Variants in NFE2L3 observed in about 807,000 individuals in gnomAD.
NFE2L3 encodes nuclear factor erythroid 2-related factor 3.
A neutral mutation model predicts 23.5 loss-of-function variants in NFE2L3; 18 were observed. The ratio of observed to expected loss-of-function variants is 0.77; its 90% confidence interval spans 0.53 to 1.13. The LOEUF (loss-of-function observed/expected upper bound fraction) is 1.13. Among genes scored for constraint, NFE2L3 ranks in the 50% most tolerant of loss-of-function variants. The pLI, the probability that NFE2L3 is intolerant of heterozygous loss-of-function variation, is 0.00. For missense variants in NFE2L3, 1,152 were observed against 877.2 expected (o/e 1.31, Z -3.96); for synonymous variants, 424 against 354.5 (o/e 1.20, Z -2.20).
intron 1 of NFE2L3, among the ~76,000 whole-genome samples, chr7:26,168,145 CT>C (rs1287195135): frequency 6.9e-6 from 1 of 144,494 alleles, no homozygotes; most frequent in Non-Finnish European, 1.5e-5. Context: ...CTTTTTTTTT[CT>C]TTTTTTTTGA....
At chr7:26,161,571 C>G (rs1784174530) in intron 1 of NFE2L3, among the ~76,000 whole-genome samples, 1 of 151,914 alleles carries the variant, frequency 6.6e-6, no homozygotes, top group Non-Finnish European at 1.5e-5. Context: ...ACGCTCCTCC[C>G]CCAGGGCTCC....
Position 26,185,963 on chromosome 7 carries a change from T to C in NFE2L3, c.*180T>C. On this transcript the variant is annotated 3_prime_UTR_variant, in exon 4 of 4. Coordinates refer to ENST00000056233, the MANE Select transcript of NFE2L3 (RefSeq NM_004289.7). ...AATGTTTAGGACTTCAAGATCACAC[T>C]TGTGGGCAATCTGGGGGAGCCACAA... 1 of 540,006 alleles carries C rather than the reference T, an allele frequency of 1.9e-6. No homozygotes were observed. The highest frequency in any genetic ancestry group is 3.1e-6 in the Non-Finnish European group (1 of 318,770). 33.5% of individuals were successfully genotyped at this position (540,006 alleles called of 1,614,324 possible).
At chr7:26,153,106 T>C (rs1349930709) in intron 1 of NFE2L3, 38 bp downstream of exon 1, 23 of 1,494,308 alleles carry the variant, frequency 1.5e-5, no homozygotes, top group Admixed American at 2.2e-5. Flanking sequence ...GTGCGGCGTC[T>C]ACGCCGCCGG....
At chr7:26,170,341 G>A (rs978096924) in intron 1 of NFE2L3, among the ~76,000 whole-genome samples, 4 of 152,044 alleles carry the variant, frequency 2.6e-5, no homozygotes, top group East Asian at 1.9e-4. Context: ...CTAACATTTC[G>A]AATCTGTCCC....
chr7:26,172,760 C>T (rs1196833493), intron 1 of NFE2L3, among the ~76,000 whole-genome samples: 1 of 152,178 alleles, frequency 6.6e-6, no homozygotes, highest in Non-Finnish European at 1.5e-5. Flanking sequence ...TCCTCCATAT[C>T]AGGAGACCAC....
intron 1 of NFE2L3, among the ~76,000 whole-genome samples, chr7:26,176,677 G>A (rs1381831826): frequency 3.1e-5 from 2 of 63,514 alleles, no homozygotes; most frequent in Non-Finnish European, 3.0e-5. Flanking sequence ...AGGCAGAGGC[G>A]CTCCTCACTT....
Position 26,152,798 on chromosome 7 carries a change from C to G in NFE2L3, c.300C>G (p.Val100=), listed in dbSNP as rs1043314024. 6.8e-5 allele frequency: 101 copies of G among 1,486,178 alleles called. No individual in the cohort carries two copies. The highest frequency in any genetic ancestry group is 8.8e-5 in the Non-Finnish European group (99 of 1,125,950). The allele number at this position is 1,486,178 out of a possible 1,614,324, so 92.1% of individuals were successfully genotyped here. ...TCCGGGAGGTGCGCGCGCTCGGGGT[C>G]CCCTTCGTCCCTCGCACCAGCGTGG... ...QLLREVRALG[V]PFVPRTSVDA... The change falls in exon 1 of 4, where the codon GTC becomes GTG. Residue 100 remains valine, a synonymous_variant. Transcript: ENST00000056233. This position sits in a 1 kb window ranked among gnomAD's most constrained non-coding sequence, Gnocchi z 4.4.
intron 2 of NFE2L3, among the ~76,000 whole-genome samples, chr7:26,179,895 G>C (rs542659311): frequency 6.6e-6 from 1 of 152,030 alleles, no homozygotes; most frequent in African/African-American, 2.4e-5. Context: ...GCACCTTTTC[G>C]TGTATAGGTT....
At position 26,184,638 on chromosome 7, in the gene NFE2L3, A is replaced by G; in HGVS notation, c.940A>G (p.Asn314Asp). 6.2e-7 allele frequency: 1 copy of G among 1,613,938 alleles called. No individual in the cohort carries two copies. Among genetic ancestry groups the G allele is most frequent in the Non-Finnish European group, 8.5e-7 (1 of 1,179,834 alleles). ...NFSQAISQDV[N>D]LHEAILLCPN... Reference sequence around the variant, plus strand: ...CAGCCAGGCTATAAGTCAGGATGTGAATCTTCATGAGGCCATCTTGCTTTG... The same window carrying G: ...CAGCCAGGCTATAAGTCAGGATGTGGATCTTCATGAGGCCATCTTGCTTTG... The change falls in exon 4 of 4, where the codon AAT becomes GAT. Residue 314 changes from asparagine to aspartate, a missense_variant. Transcript: ENST00000056233.
In NFE2L3 at chr7:26,186,857, CTT is replaced by C. The variant is rs368732235; in HGVS notation, c.*1075_*1076del. The stretch of plus-strand genomic sequence containing the variant: ...AATAGCATTTGAAATGAAAACCTCA[CTT>C]AAGTTCACTAGAACAGTAAACAGGA... On this transcript the variant is annotated 3_prime_UTR_variant, in exon 4 of 4. Transcript: ENST00000056233. 3 of 152,146 alleles carry C rather than the reference CTT, an allele frequency of 2.0e-5. No homozygotes were observed. The highest frequency in any genetic ancestry group is 1.3e-4 in the Admixed American group (2 of 15,272). The allele number at this position is 152,146 out of a possible 1,614,324, so 9.4% of individuals were successfully genotyped here. A position where few individuals can be genotyped will look rare whatever the true frequency, so the allele number is the denominator to read the frequency against.
At chr7:26,164,458 T>C (rs1784217339) in intron 1 of NFE2L3, among the ~76,000 whole-genome samples, 1 of 152,260 alleles carries the variant, frequency 6.6e-6, no homozygotes, top group African/African-American at 2.4e-5. Flanking sequence ...ATGTCTTCTT[T>C]TAAGAAGTGT....
In NFE2L3 at chr7:26,185,888, A is replaced by G. The variant is rs1481676127; in HGVS notation, c.*105A>G. 4 of 928,448 alleles carry G rather than the reference A, an allele frequency of 4.3e-6. No homozygotes were observed. The highest frequency in any genetic ancestry group is 3.2e-5 in the Admixed American group (1 of 31,046). The allele number at this position is 928,448 out of a possible 1,614,324, so 57.5% of individuals were successfully genotyped here. A position where few individuals can be genotyped will look rare whatever the true frequency, so the allele number is the denominator to read the frequency against. On this transcript the variant is annotated 3_prime_UTR_variant, in exon 4 of 4. Coordinates refer to ENST00000056233, the MANE Select transcript of NFE2L3 (RefSeq NM_004289.7). ...TGCTTCAAGAATTGTATCTTTAAGT[A>G]CTGCTACTTGAATAACTCAGTTAAC...
chr7:26,182,685 CTGAAGAGTTCTTTCAACTAGAAA>C (rs1340731223), intron 2 of NFE2L3, among the ~76,000 whole-genome samples: 1 of 152,064 alleles, frequency 6.6e-6, no homozygotes, highest in African/African-American at 2.4e-5. Flanking sequence ...AAAAAGAACT[CTGAAGAGTTCTTTCAACTAGAAA>C]GAGGCTAAAG....
At chr7:26,172,785 T>G (rs1040218514) in intron 1 of NFE2L3, among the ~76,000 whole-genome samples, 1 of 152,208 alleles carries the variant, frequency 6.6e-6, no homozygotes, top group Non-Finnish European at 1.5e-5. Flanking sequence ...TTGGTTTAAC[T>G]TCGTATTTTG....
Position 26,165,505 on chromosome 7 carries a change from G to A in NFE2L3, c.570+12437G>A, listed in dbSNP as rs951135962. ...TTTTTGCACATTGATTTTGTATCCC[G>A]AGGCTTTGCTCAAGTTGCTTATCAG... On this transcript the variant is annotated intron_variant, in intron 1 of 3. Transcript: ENST00000056233. Among the ~76,000 whole-genome samples the A allele has an allele frequency of 5.9e-5, 9 of 152,308 alleles. No homozygotes were observed. In the South Asian group the frequency reaches 1.0e-3, roughly 18 times the overall value.
At chr7:26,180,914 T>C (rs530367098) in intron 2 of NFE2L3, among the ~76,000 whole-genome samples, 1 of 152,176 alleles carries the variant, frequency 6.6e-6, no homozygotes, top group Non-Finnish European at 1.5e-5. Context: ...CATTGTGTTA[T>C]CTCCATGTTC....
chr7:26,152,453 G>A lies in NFE2L3; in HGVS notation c.-46G>A. On this transcript the variant is annotated 5_prime_UTR_variant, in exon 1 of 4. Transcript: ENST00000056233. This position sits in a 1 kb window ranked among gnomAD's most constrained non-coding sequence, Gnocchi z 4.4. ...GTGTCACCCCGGCGGCTGGGGCGCC[G>A]GGACCCGCGGGCGCCGGCAGGGGCG... 8 of 1,218,522 alleles carry A rather than the reference G, an allele frequency of 6.6e-6. No individual in the cohort carries two copies. Among genetic ancestry groups the A allele is most frequent in the South Asian group, 3.9e-5 (1 of 25,896 alleles). 75.5% of individuals were successfully genotyped at this position (1,218,522 alleles called of 1,614,324 possible).
At chr7:26,165,437 T>A (rs1483307386) in intron 1 of NFE2L3, among the ~76,000 whole-genome samples, 1 of 152,226 alleles carries the variant, frequency 6.6e-6, no homozygotes, top group Non-Finnish European at 1.5e-5. Flanking sequence ...CACTCATGAT[T>A]TGGCTCTGTT....
chr7:26,185,294 T>TAGAAACTTGAGCC lies in NFE2L3; in HGVS notation c.1597_1609dup (p.Arg537GlnfsTer6), dbSNP rs1782453228. The TAGAAACTTGAGCC allele has an allele frequency of 6.2e-7, 1 of 1,613,960 alleles. No individual in the cohort carries two copies. The highest frequency in any genetic ancestry group is 1.3e-5 in the African/African-American group (1 of 74,916). On this transcript the variant is annotated frameshift_variant, in exon 4 of 4. Transcript: ENST00000056233. LOFTEE classifies it low-confidence loss of function (END_TRUNC). The stretch of plus-strand genomic sequence containing the variant: ...GGAGTAGATACCTTGAAGACACAGA[T>TAGAAACTTGAGCC]AGAAACTTGAGCCGTGATGAACAGC...
Sources: allele counts gnomAD v4.1 joint callset (sites outside exome capture counted in the v4.1 genomes callset), GRCh38; gene constraint gnomAD v4.1.1; non-coding constraint Gnocchi (gnomAD v3.1); transcripts MANE v1.5; gene names NCBI Gene and HGNC (gene_info 2026-07-23, HGNC 2026-07-21).